ZSWIM6: variants seen among roughly 807,000 people sequenced by gnomAD.
ZSWIM6 encodes zinc finger SWIM domain-containing protein 6.
ZSWIM6 carries 9 observed loss-of-function variants against 113.2 expected under a neutral mutation model. The ratio of observed to expected loss-of-function variants is 0.08; its 90% confidence interval spans 0.05 to 0.14. ZSWIM6 has a LOEUF of 0.14. ZSWIM6 is among the 10% of genes least tolerant of loss of function. The pLI is 1.00. For synonymous variants in ZSWIM6, 611 were observed against 606.5 expected, an observed-to-expected ratio of 1.01 and a Z score of -0.11; for missense variants, 1,162 against 1,552.2, an observed-to-expected ratio of 0.75 and a Z score of 4.22.
chr5:61,406,506 A>G (rs1027164897), intron 1 of ZSWIM6, among the ~76,000 whole-genome samples: 3 of 152,088 alleles, frequency 2.0e-5, no homozygotes, highest in Non-Finnish European at 4.4e-5. Flanking sequence ...GTCTACAGTC[A>G]GTATCAAAAT....
chr5:61,474,035 A>G (rs1747645140), intron 2 of ZSWIM6, among the ~76,000 whole-genome samples: 1 of 152,210 alleles, frequency 6.6e-6, no homozygotes, highest in Non-Finnish European at 1.5e-5. Context: ...GTGAACTGTC[A>G]CCCAGGCCAA....
intron 1 of ZSWIM6, among the ~76,000 whole-genome samples, chr5:61,424,915 A>G (rs1331970678): frequency 1.3e-5 from 2 of 151,904 alleles, no homozygotes; most frequent in African/African-American, 4.8e-5. Context: ...CTTAGTAGAG[A>G]CAGGGTTTCA....
At chr5:61,352,867 C>T (rs1056629947) in intron 1 of ZSWIM6, among the ~76,000 whole-genome samples, 4 of 152,164 alleles carry the variant, frequency 2.6e-5, no homozygotes, top group African/African-American at 9.7e-5. Flanking sequence ...ACGAGACTTT[C>T]TTTTGCTCAC....
intron 5 of ZSWIM6, among the ~76,000 whole-genome samples, chr5:61,524,075 A>T (rs957355830): frequency 6.6e-6 from 1 of 152,224 alleles, no homozygotes; most frequent in Non-Finnish European, 1.5e-5. Flanking sequence ...CTATGATTTC[A>T]GCTTAACAAA....
intron 2 of ZSWIM6, among the ~76,000 whole-genome samples, chr5:61,475,771 T>C (rs1411932098): frequency 1.3e-5 from 2 of 152,192 alleles, no homozygotes; most frequent in African/African-American, 4.8e-5. Flanking sequence ...TTATTTTAAT[T>C]GTTAATGACT....
At position 61,438,689 on chromosome 5, in the gene ZSWIM6, G is replaced by A. The variant is rs999122523; in HGVS notation, c.677-33992G>A. Among the ~76,000 whole-genome samples the A allele has an allele frequency of 4.6e-5, 7 of 152,166 alleles. 1 individual carries two copies. Among genetic ancestry groups the A allele is most frequent in the Non-Finnish European group, 8.8e-5 (6 of 68,024 alleles). ...TATTAGTAAGGTAGCAGATGCTGTG[G>A]TGCTGAAATTGACATGTAAAATAGT... On this transcript the variant is annotated intron_variant, in intron 1 of 13. Transcript: ENST00000252744.
intron 1 of ZSWIM6, among the ~76,000 whole-genome samples, chr5:61,407,858 C>G (rs753470735): frequency 3.9e-5 from 6 of 152,102 alleles, no homozygotes; most frequent in Non-Finnish European, 8.8e-5. Context: ...TCTGGGACAG[C>G]CTGATTTGCA....
At chr5:61,376,461 C>T (rs556880162) in intron 1 of ZSWIM6, among the ~76,000 whole-genome samples, 29 of 149,778 alleles carry the variant, frequency 1.9e-4, no homozygotes, top group Middle Eastern at 3.4e-3. Flanking sequence ...TGGCTACCAG[C>T]AGTCTTGCCC....
intron 12 of ZSWIM6, among the ~76,000 whole-genome samples, chr5:61,541,323 A>G (rs1328285035): frequency 1.3e-5 from 2 of 152,176 alleles, no homozygotes; most frequent in Non-Finnish European, 2.9e-5. Context: ...TCTTGTTAGA[A>G]AGTGAAAAAC....
chr5:61,380,858 TG>T (rs1437071332), intron 1 of ZSWIM6, among the ~76,000 whole-genome samples: 2 of 151,884 alleles, frequency 1.3e-5, no homozygotes, highest in Admixed American at 1.3e-4. Context: ...CCCAGCACTT[TG>T]GGAGGCAGAG....
At chr5:61,473,522 A>G (rs1257238169) in intron 2 of ZSWIM6, among the ~76,000 whole-genome samples, 1 of 152,252 alleles carries the variant, frequency 6.6e-6, no homozygotes, top group Non-Finnish European at 1.5e-5. Context: ...ATAAGAAAAT[A>G]CAAAAAGTTT....
At chr5:61,375,960 T>C (rs1745367653) in intron 1 of ZSWIM6, 2 of 616,612 alleles carry the variant, frequency 3.2e-6, no homozygotes, top group Non-Finnish European at 5.5e-6. Context: ...ATTTTCTTGT[T>C]TTTAGAATTA....
chr5:61,529,893 C>T (rs1413096403), intron 7 of ZSWIM6, among the ~76,000 whole-genome samples, 159 bp from the exon 8 acceptor site: 4 of 152,120 alleles, frequency 2.6e-5, no homozygotes, highest in Non-Finnish European at 5.9e-5. Flanking sequence ...GATTATGGTA[C>T]CTTTTGATTG....
intron 1 of ZSWIM6, among the ~76,000 whole-genome samples, chr5:61,369,726 C>T (rs1286315708): frequency 6.6e-6 from 1 of 152,162 alleles, no homozygotes; most frequent in Admixed American, 6.5e-5. Context: ...TGTATACTTA[C>T]GTGAGAACCA....
chr5:61,521,293 C>T lies in ZSWIM6; in HGVS notation c.1364C>T (p.Pro455Leu), dbSNP rs1306140927. The stretch of plus-strand genomic sequence containing the variant: ...CTGTGGATGTGTATAGTTTTAAACC[C>T]CCACTGCAAGTTGGAGCAAAAGGCC... The part of the protein sequence containing the change: ...GALWMCIVLN[P>L]HCKLEQKASW... Residue 455 changes from proline (P) to leucine (L), a missense_variant, in exon 5 of 14, where the codon CCC becomes CTC. By Grantham distance (98) the Pro-to-Leu change is moderately conservative. Coordinates refer to ENST00000252744, the MANE Select transcript of ZSWIM6 (RefSeq NM_020928.2). The T allele has an allele frequency of 6.7e-7, 1 of 1,502,740 alleles. No homozygotes were observed. Among genetic ancestry groups the T allele is most frequent in the African/African-American group, 1.4e-5 (1 of 70,366 alleles). The allele number at this position is 1,502,740 out of a possible 1,614,324, so 93.1% of individuals were successfully genotyped here. A position where few individuals can be genotyped will look rare whatever the true frequency, so the allele number is the denominator to read the frequency against.
chr5:61,375,964 A>G, intron 1 of ZSWIM6: 5 of 608,182 alleles, frequency 8.2e-6, no homozygotes, highest in South Asian at 4.0e-5. Context: ...TCTTGTTTTT[A>G]GAATTATTCC....
chr5:61,523,648 T>A (rs6890351), intron 5 of ZSWIM6, among the ~76,000 whole-genome samples: 6 of 151,962 alleles, frequency 3.9e-5, no homozygotes. Context: ...GAATAGCCAC[T>A]GACATTCAAG....
chr5:61,392,673 C>T (rs1172189463), intron 1 of ZSWIM6, among the ~76,000 whole-genome samples: 2 of 151,872 alleles, frequency 1.3e-5, no homozygotes, highest in South Asian at 2.1e-4. Flanking sequence ...AGTGCAATGG[C>T]GTGATCGCAG....
intron 4 of ZSWIM6, among the ~76,000 whole-genome samples, chr5:61,520,776 T>C (rs1001926370): frequency 6.6e-6 from 1 of 152,182 alleles, no homozygotes; most frequent in African/African-American, 2.4e-5. Context: ...TTGTAAAAAG[T>C]AATTTTAGAA....
Sources: gnomAD v4.1 joint callset for allele counts (sites outside exome capture counted in the v4.1 genomes callset) on GRCh38, gnomAD v4.1.1 for gene constraint, MANE v1.5 for transcripts, NCBI Gene and HGNC (gene_info 2026-07-23, HGNC 2026-07-21) for gene names.